The following CDH13 variants were observed in gnomAD, a reference collection of about 807,000 sequenced individuals.
CDH13 encodes cadherin 13, also known as cadherin-13.
A neutral mutation model predicts 63.8 loss-of-function variants in CDH13; 24 were observed. That is an observed-to-expected ratio of 0.38 (90% CI 0.27 to 0.53). The LOEUF (loss-of-function observed/expected upper bound fraction) is 0.53, where lower values mean the gene tolerates loss of function less well. Ranked by LOEUF, CDH13 falls within the 20% of genes least tolerant of loss-of-function variation. The pLI is 0.85. For synonymous variants in CDH13, 503 were observed against 355.3 expected, an observed-to-expected ratio of 1.42 and a Z score of -4.67; for missense variants, 1,049 against 903.1, an observed-to-expected ratio of 1.16 and a Z score of -2.07.
chr16:83,014,464 T>A (rs1464585924), intron 2 of CDH13, among the ~76,000 whole-genome samples: 4 of 151,710 alleles, frequency 2.6e-5, no homozygotes, highest in African/African-American at 9.7e-5. Flanking sequence ...CCGACCATGG[T>A]GGCTTATGCC....
At chr16:83,102,930 C>CTTTTTTTTTTTTTTTTTTTCTT (rs71148812) in intron 3 of CDH13, among the ~76,000 whole-genome samples, 2 of 96,934 alleles carry the variant, frequency 2.1e-5, no homozygotes, top group African/African-American at 4.6e-5. Flanking sequence ...TTTTCTTTTT[C>CTTTTTTTTTTTTTTTTTTTCTT]TTTTTTTTTT....
chr16:83,602,747 T>C lies in CDH13; in HGVS notation c.1101+153T>C, dbSNP rs969995614. On this transcript the variant is annotated intron_variant, in intron 8 of 13. Coordinates refer to ENST00000567109, the MANE Select transcript of CDH13 (RefSeq NM_001257.5). ...ACGATGGTGTTTTGCTGGAATTCTTTCTCACATTTTTATTTTGTGTTTGTG... is the reference window on the plus strand; with the variant it reads ...ACGATGGTGTTTTGCTGGAATTCTTCCTCACATTTTTATTTTGTGTTTGTG... Among the ~76,000 whole-genome samples, 5 of 151,984 alleles carry C rather than the reference T, an allele frequency of 3.3e-5. 1 individual carries two copies. In the South Asian group the frequency reaches 1.0e-3, roughly 32 times the overall value.
intron 6 of CDH13, among the ~76,000 whole-genome samples, chr16:83,411,416 T>A (rs1175125533): frequency 6.6e-6 from 1 of 152,242 alleles, no homozygotes; most frequent in Non-Finnish European, 1.5e-5. Flanking sequence ...GGCTTCTTCA[T>A]TGCTAGACCA....
chr16:82,850,117 A>G (rs1444567931), intron 1 of CDH13, among the ~76,000 whole-genome samples: 1 of 152,258 alleles, frequency 6.6e-6, no homozygotes, highest in African/African-American at 2.4e-5. Context: ...TTGTAAGGCT[A>G]CAGCTTCTAA....
chr16:82,942,510 C>G (rs949431428), intron 2 of CDH13, among the ~76,000 whole-genome samples: 1 of 152,136 alleles, frequency 6.6e-6, no homozygotes, highest in African/African-American at 2.4e-5. Context: ...GGAAGAGGGT[C>G]AGAGTTGGCT....
At chr16:83,446,819 A>G (rs1430385331) in intron 6 of CDH13, among the ~76,000 whole-genome samples, 1 of 152,126 alleles carries the variant, frequency 6.6e-6, no homozygotes. Context: ...ACATGTAACA[A>G]ATCCAAAGTC....
At chr16:83,107,039 C>T (rs974714886) in intron 3 of CDH13, among the ~76,000 whole-genome samples, 1 of 152,188 alleles carries the variant, frequency 6.6e-6, no homozygotes. Flanking sequence ...GACAGACACA[C>T]ACACACATTT....
intron 1 of CDH13, among the ~76,000 whole-genome samples, chr16:82,709,629 G>T (rs971582604): frequency 2.0e-5 from 3 of 152,214 alleles, no homozygotes; most frequent in African/African-American, 7.2e-5. Flanking sequence ...TTGGCCCAGC[G>T]ACTGCGACAT....
intron 6 of CDH13, among the ~76,000 whole-genome samples, chr16:83,373,128 T>G (rs903103693): frequency 6.6e-6 from 1 of 152,222 alleles, no homozygotes; most frequent in African/African-American, 2.4e-5. Flanking sequence ...ATTTCCATAA[T>G]ATTGAGCAAA....
intron 2 of CDH13, among the ~76,000 whole-genome samples, chr16:82,885,902 C>T (rs564780244): frequency 5.3e-5 from 8 of 152,154 alleles, no homozygotes; most frequent in Admixed American, 2.0e-4. Flanking sequence ...TGACAAAGTG[C>T]CTGGCATAGA....
At chr16:83,319,392 C>T (rs2090173512) in intron 5 of CDH13, among the ~76,000 whole-genome samples, 1 of 152,180 alleles carries the variant, frequency 6.6e-6, no homozygotes, top group Non-Finnish European at 1.5e-5. Context: ...ACCTAGATGT[C>T]ATCAAAGCCA....
intron 2 of CDH13, among the ~76,000 whole-genome samples, chr16:82,984,065 C>T (rs1910630269): frequency 6.6e-6 from 1 of 152,182 alleles, no homozygotes; most frequent in African/African-American, 2.4e-5. Flanking sequence ...ATTCAAAAGT[C>T]CCAGCAGTTT....
chr16:82,705,787 A>T (rs1195393732), intron 1 of CDH13, among the ~76,000 whole-genome samples: 1 of 152,116 alleles, frequency 6.6e-6, no homozygotes, highest in Non-Finnish European at 1.5e-5. Flanking sequence ...GATAGACTTG[A>T]TTGTGCTTCT....
chr16:83,206,786 G>A (rs975815605), intron 4 of CDH13, among the ~76,000 whole-genome samples: 1 of 152,156 alleles, frequency 6.6e-6, no homozygotes, highest in African/African-American at 2.4e-5. Context: ...TGACTTGGGG[G>A]GACCCATTAT....
At chr16:83,021,466 T>C (rs568191644) in intron 2 of CDH13, among the ~76,000 whole-genome samples, 60 of 152,302 alleles carry the variant, frequency 3.9e-4, no homozygotes, top group African/African-American at 1.2e-3. Flanking sequence ...AAACAAAGAT[T>C]CAAAGCTAAC....
chr16:82,796,257 C>A (rs1450381241), intron 1 of CDH13, among the ~76,000 whole-genome samples: 1 of 152,124 alleles, frequency 6.6e-6, no homozygotes, highest in Non-Finnish European at 1.5e-5. Context: ...TCTACTGACC[C>A]CTATGGATGT....
chr16:83,282,542 G>T (rs922734464), intron 5 of CDH13, among the ~76,000 whole-genome samples: 1 of 152,068 alleles, frequency 6.6e-6, no homozygotes, highest in African/African-American at 2.4e-5. Flanking sequence ...TAAAACCCCT[G>T]TCTATTTGGG....
At chr16:83,516,194 C>G (rs1444481921) in intron 7 of CDH13, among the ~76,000 whole-genome samples, 1 of 152,132 alleles carries the variant, frequency 6.6e-6, no homozygotes, top group East Asian at 1.9e-4. Flanking sequence ...TTCCTGTAAG[C>G]GTTTTACACT....
chr16:83,151,168 G>A (rs773371629), intron 4 of CDH13, among the ~76,000 whole-genome samples: 4 of 152,094 alleles, frequency 2.6e-5, no homozygotes, highest in Non-Finnish European at 2.9e-5. Flanking sequence ...AGCAAGGCAC[G>A]GAATATCCCT....
Sources: gnomAD v4.1 joint callset for allele counts (sites outside exome capture counted in the v4.1 genomes callset) on GRCh38, gnomAD v4.1.1 for gene constraint, MANE v1.5 for transcripts, NCBI Gene and HGNC (gene_info 2026-07-23, HGNC 2026-07-21) for gene names.